The following SUCLG1 variants were observed in gnomAD, a reference collection of about 807,000 sequenced individuals.
The protein encoded by SUCLG1 is succinate-CoA ligase GDP/ADP-forming subunit alpha.
In SUCLG1, 26 loss-of-function variants were observed where a neutral mutation model predicts 37.3. That is an observed-to-expected ratio of 0.70 (90% CI 0.51 to 0.97). The LOEUF (loss-of-function observed/expected upper bound fraction) is 0.97, where lower values mean the gene tolerates loss of function less well. Ranked by LOEUF, SUCLG1 falls within the 50% of genes least tolerant of loss-of-function variation. The probability of loss-of-function intolerance (pLI) is 0.00; values close to 1 mark genes in which losing one functional copy is unlikely to be tolerated. For synonymous variants in SUCLG1, 163 were observed against 155.6 expected, an observed-to-expected ratio of 1.05 and a Z score of -0.36; for missense variants, 433 against 432.9, an observed-to-expected ratio of 1.00 and a Z score of 0.00.
At chr2:84,445,129 G>A (rs536138435) in intron 2 of SUCLG1, among the ~76,000 whole-genome samples, 17 of 152,304 alleles carry the variant, frequency 1.1e-4, no homozygotes, top group African/African-American at 3.9e-4. Flanking sequence ...ATATTGATTG[G>A]GGAAGTGATA....
rs577065831 is a variant in SUCLG1, at chr2:84,451,120, T to C, written c.98-1368A>G. Reference sequence around the variant, plus strand: ...ACAGCCCACCCTTGCCAGTGCTGCATTCGAGACCCATTCTTGCCCTTGGCT... The same window carrying C: ...ACAGCCCACCCTTGCCAGTGCTGCACTCGAGACCCATTCTTGCCCTTGGCT... On this transcript the variant is annotated intron_variant, in intron 1 of 8. Coordinates refer to ENST00000393868, the MANE Select transcript of SUCLG1 (RefSeq NM_003849.4). Among the ~76,000 whole-genome samples, 32 of 152,246 alleles carry C rather than the reference T, an allele frequency of 2.1e-4. No individual in the cohort carries two copies. The East Asian group carries it at 4.1e-3, about 19-fold the overall frequency.
chr2:84,444,630 GAC>G (rs989033060), intron 2 of SUCLG1, among the ~76,000 whole-genome samples: 22 of 152,308 alleles, frequency 1.4e-4, no homozygotes, highest in Middle Eastern at 3.4e-3. Flanking sequence ...TTTGAGAGCA[GAC>G]AACCGGTCTG....
intron 5 of SUCLG1, among the ~76,000 whole-genome samples, chr2:84,440,268 G>A (rs545016714): frequency 2.0e-5 from 3 of 152,282 alleles, no homozygotes; most frequent in Non-Finnish European, 1.5e-5. Context: ...AGCTACTCGG[G>A]AGGCTAAGGC....
intron 5 of SUCLG1, among the ~76,000 whole-genome samples, chr2:84,437,579 T>C (rs542397272): frequency 2.6e-5 from 4 of 152,336 alleles, no homozygotes; most frequent in South Asian, 2.1e-4. Context: ...GGATCATACA[T>C]TGCTGGTAGA....
chr2:84,438,796 A>G (rs985011062), intron 5 of SUCLG1, among the ~76,000 whole-genome samples: 2 of 152,230 alleles, frequency 1.3e-5, no homozygotes, highest in African/African-American at 2.4e-5. Flanking sequence ...CTAGGATTGT[A>G]AAACGCACCA....
Position 84,425,540 on chromosome 2 carries a change from T to C in SUCLG1, c.889A>G (p.Met297Val), listed in dbSNP as rs1672522431. 2 of 1,614,108 alleles carry C rather than the reference T, an allele frequency of 1.2e-6. No homozygotes were observed. The highest frequency in any genetic ancestry group is 1.7e-6 in the Non-Finnish European group (2 of 1,180,052). ...GCAATAATTGCCCCGGCATGACCCA[T>C]TCTTCTCCCAGGAGGAGCAGTTAAA... ...AGLTAPPGRR[M>V]GHAGAIIAGG... is the part of the protein sequence containing the mutation. The change falls in exon 8 of 9, where the codon ATG becomes GTG. Residue 297 changes from methionine (M) to valine (V), a missense_variant. Coordinates refer to ENST00000393868, the MANE Select transcript of SUCLG1 (RefSeq NM_003849.4).
At chr2:84,451,481 C>T (rs142201623) in intron 1 of SUCLG1, among the ~76,000 whole-genome samples, 70 of 152,302 alleles carry the variant, frequency 4.6e-4, no homozygotes, top group African/African-American at 1.6e-3. Context: ...TCTCCTTCCA[C>T]AGGAGCAGAA....
intron 5 of SUCLG1, among the ~76,000 whole-genome samples, chr2:84,440,589 A>G (rs983553376): frequency 6.6e-5 from 10 of 152,230 alleles, no homozygotes; most frequent in African/African-American, 2.4e-4. Context: ...AAATGTTTCC[A>G]CAAAAAGACC....
At position 84,447,319 on chromosome 2, in the gene SUCLG1, GA is replaced by G. The variant is rs1412242278; in HGVS notation, c.201+2329del. Among the ~76,000 whole-genome samples the G allele has an allele frequency of 2.4e-4, 37 of 151,654 alleles. No homozygotes were observed. In the South Asian group the frequency reaches 7.3e-3, roughly 30 times the overall value. ...TTACTTTAAAAACAACAAAAAAAAG[GA>G]GAGTGAATGAGAAACAATGTTAACT... On this transcript the variant is annotated intron_variant, in intron 2 of 8. Transcript: ENST00000393868.
rs1672518745 is a variant in SUCLG1 at position 84,425,404 on chromosome 2, T to C, written c.1014+11A>G. 2 of 1,614,100 alleles carry C rather than the reference T, an allele frequency of 1.2e-6. No homozygotes were observed. Among genetic ancestry groups the C allele is most frequent in the South Asian group, 1.1e-5 (1 of 91,074 alleles). On this transcript the variant is annotated intron_variant, in intron 8 of 8. Coordinates refer to ENST00000393868, the MANE Select transcript of SUCLG1 (RefSeq NM_003849.4). Reference sequence around the variant, plus strand: ...CAACCTCAGAGCACCTGGGCCACTGTTGGAGCTCACCTTGTAGATCGTGGT... The same window carrying C: ...CAACCTCAGAGCACCTGGGCCACTGCTGGAGCTCACCTTGTAGATCGTGGT...
intron 1 of SUCLG1, among the ~76,000 whole-genome samples, chr2:84,450,189 A>T (rs2104264638): frequency 6.6e-6 from 1 of 152,334 alleles, no homozygotes; most frequent in East Asian, 1.9e-4. Context: ...ATACCTTTAA[A>T]TAGGTAAGCT....
At position 84,455,954 on chromosome 2, in the gene SUCLG1, A is replaced by G. The variant is rs143094814; in HGVS notation, c.97+3219T>C. ...TTCCCAATTACATTTCTATGGAGAA[A>G]CAAATTTGATGTCAGAAAATCAAAT... is the stretch of plus-strand genomic sequence containing the variant. On this transcript the variant is annotated intron_variant, in intron 1 of 8. Coordinates refer to ENST00000393868, the MANE Select transcript of SUCLG1 (RefSeq NM_003849.4). Among the ~76,000 whole-genome samples the G allele has an allele frequency of 7.2e-4, 109 of 152,300 alleles. 2 individuals carry two copies. The East Asian group carries it at 0.019, about 27-fold the overall frequency.
At chr2:84,437,760 T>C (rs1324898993) in intron 5 of SUCLG1, among the ~76,000 whole-genome samples, 1 of 152,196 alleles carries the variant, frequency 6.6e-6, no homozygotes, top group Non-Finnish European at 1.5e-5. Context: ...AAAACCAGTA[T>C]ACAAATGTTT....
intron 5 of SUCLG1, among the ~76,000 whole-genome samples, chr2:84,437,220 GT>G (rs1672701646): frequency 1.3e-5 from 2 of 152,104 alleles, no homozygotes; most frequent in Admixed American, 1.3e-4. Flanking sequence ...CCCAAGAAGA[GT>G]TTTTATAGAT....
chr2:84,449,740 C>A lies in SUCLG1; in HGVS notation c.110G>T (p.Gly37Val). ...LSRSFLLPQNGIRHCSYTASR... is the reference protein window; with the variant it reads ...LSRSFLLPQNVIRHCSYTASR... ...AGCTGTGTAGGAACAATGCCGAATTCCATTCTGCGGCACTAAGAGGTTAAA... is the reference window on the plus strand; with the variant it reads ...AGCTGTGTAGGAACAATGCCGAATTACATTCTGCGGCACTAAGAGGTTAAA... Residue 37 changes from glycine to valine, a missense_variant, in exon 2 of 9, where the codon GGA (glycine) becomes GTA (valine). Transcript: ENST00000393868. 1 of 1,457,046 alleles carries A rather than the reference C, an allele frequency of 6.9e-7. No homozygotes were observed. Among genetic ancestry groups the A allele is most frequent in the South Asian group, 1.2e-5 (1 of 84,224 alleles). The allele number at this position is 1,457,046 out of a possible 1,614,324, so 90.3% of individuals were successfully genotyped here.
At chr2:84,449,015 C>A in intron 2 of SUCLG1, 2 of 325,628 alleles carry the variant, frequency 6.1e-6, no homozygotes, top group South Asian at 2.7e-5. Context: ...AGAATTGCAT[C>A]ACAGATATAT....
chr2:84,437,173 C>T (rs1236177626), intron 5 of SUCLG1, among the ~76,000 whole-genome samples: 1 of 152,134 alleles, frequency 6.6e-6, no homozygotes, highest in Non-Finnish European at 1.5e-5. Flanking sequence ...GTGGATAATG[C>T]CTACCTACTT....
chr2:84,433,246 A>T, intron 6 of SUCLG1, 106 bp downstream of exon 6: 1 of 947,088 alleles, frequency 1.1e-6, no homozygotes, highest in South Asian at 1.4e-5. Flanking sequence ...TCCTTTTCAT[A>T]AGAGTATCAA....
Position 84,441,383 on chromosome 2 carries a change from G to C in SUCLG1, c.395C>G (p.Ala132Gly), listed in dbSNP as rs376171433. Residue 132 changes from alanine to glycine, a missense_variant, in exon 4 of 9, where the codon GCT (alanine) becomes GGT (glycine). Physicochemically the swap from Ala to Gly is moderately conservative, Grantham distance 60. Transcript: ENST00000393868. ...PPFAAAAINE[A>G]IEAEIPLVVC... ...AACCAAGGGAATTTCTGCCTCAATA[G>C]CTTCATTAATGGCAGCAGCAGCAAA... 9.7e-5 allele frequency: 157 copies of C among 1,614,034 alleles called. No individual in the cohort carries two copies. The highest frequency in any genetic ancestry group is 1.6e-4 in the Middle Eastern group (1 of 6,084).
Sources: gnomAD v4.1 joint callset for allele counts (sites outside exome capture counted in the v4.1 genomes callset) on GRCh38, gnomAD v4.1.1 for gene constraint, MANE v1.5 for transcripts, NCBI Gene and HGNC (gene_info 2026-07-23, HGNC 2026-07-21) for gene names.